The following ATP2A1 variants were observed in gnomAD, a reference collection of about 807,000 sequenced individuals.
ATP2A1 encodes the protein sarcoplasmic/endoplasmic reticulum calcium ATPase 1.
Under a neutral mutation model 109.5 loss-of-function variants are expected in ATP2A1, and 83 were observed. The ratio of observed to expected loss-of-function variants is 0.76; its 90% confidence interval spans 0.63 to 0.91. The LOEUF (loss-of-function observed/expected upper bound fraction) is 0.91, where lower values mean the gene tolerates loss of function less well. Ranked by LOEUF, ATP2A1 falls within the 40% of genes least tolerant of loss-of-function variation. The pLI, the probability that ATP2A1 is intolerant of heterozygous loss-of-function variation, is 0.00. For missense variants in ATP2A1, 1,101 were observed against 1,341.0 expected, an observed-to-expected ratio of 0.82 and a Z score of 2.80; for synonymous variants, 505 against 537.6, an observed-to-expected ratio of 0.94 and a Z score of 0.84.
Position 28,903,851 on chromosome 16 carries a change from G to C in ATP2A1, c.*37+110G>C, listed in dbSNP as rs546675384. The C allele has an allele frequency of 1.0e-5, 11 of 1,092,390 alleles. No homozygotes were observed. The South Asian group carries it at 1.4e-4, about 14-fold the overall frequency. The allele number at this position is 1,092,390 out of a possible 1,614,324, so 67.7% of individuals were successfully genotyped here. ...TCACTTGTGCTCGCAGCTCCACCTG[G>C]AGCCGTTGCCACTGCTGCTGCTGCG... On this transcript the variant is annotated intron_variant, in intron 22 of 22. Transcript: ENST00000395503. This position sits in a 1 kb window ranked among gnomAD's most constrained non-coding sequence, Gnocchi z 5.6.
intron 3 of ATP2A1, 59 bp downstream of exon 3, chr16:28,879,642 T>C (rs565808029): frequency 6.4e-7 from 1 of 1,550,954 alleles, no homozygotes; most frequent in East Asian, 2.3e-5. Context: ...ATCGGGCGAA[T>C]GCGGGGCTCG....
intron 8 of ATP2A1, among the ~76,000 whole-genome samples, chr16:28,888,012 A>G (rs867267313): frequency 2.6e-5 from 4 of 151,882 alleles, no homozygotes; most frequent in Non-Finnish European, 5.9e-5. Context: ...CGTGTTAGCC[A>G]GGATGGTCTC....
intron 3 of ATP2A1, 118 bp downstream of exon 3, chr16:28,879,701 C>T (rs998602244): frequency 1.2e-5 from 15 of 1,227,780 alleles, no homozygotes; most frequent in Non-Finnish European, 1.6e-5. Context: ...ATTGTACAGA[C>T]GGGGCGGGCT....
intron 9 of ATP2A1, among the ~76,000 whole-genome samples, chr16:28,890,423 A>C (rs1596673414): frequency 6.6e-6 from 1 of 152,148 alleles, no homozygotes; most frequent in African/African-American, 2.4e-5. Context: ...TCAAAGCTAC[A>C]GTGAGCTGTG....
intron 15 of ATP2A1, 152 bp from the exon 16 acceptor site, chr16:28,901,711 C>T (rs1964079119): frequency 2.8e-6 from 2 of 722,438 alleles, no homozygotes; most frequent in East Asian, 2.7e-5. Context: ...AATCCCAACA[C>T]TTTGGGAGGC....
In ATP2A1 at chr16:28,903,982, G is replaced by C. The variant is rs1235285725; in HGVS notation, c.*38-198G>C. Among the ~76,000 whole-genome samples, 1 of 151,930 alleles carries C rather than the reference G, an allele frequency of 6.6e-6. No homozygotes were observed. Among genetic ancestry groups the C allele is most frequent in the Admixed American group, 6.6e-5 (1 of 15,236 alleles). On this transcript the variant is annotated intron_variant, in intron 22 of 22. Transcript: ENST00000395503. This position sits in a 1 kb window ranked among gnomAD's most constrained non-coding sequence, Gnocchi z 5.6. ...CCGTCTGCTGCGCTGCGTTGCGCTG[G>C]CTGTGTGCTGGGCTGTCTTTGCTGT...
intron 9 of ATP2A1, among the ~76,000 whole-genome samples, chr16:28,891,389 G>A (rs1315675033): frequency 6.6e-6 from 1 of 150,582 alleles, no homozygotes; most frequent in African/African-American, 2.4e-5. Flanking sequence ...GAGGTCAGGA[G>A]TTCGAGACCA....
In ATP2A1 at chr16:28,898,313, G is replaced by A. The variant is rs1026036217; in HGVS notation, c.1626G>A (p.Lys542=). ...GGGTGCCACTGACGGGGCCGGTGAA[G>A]GAAAAGATCATGGCGGTGATCAAGG... ...TTRVPLTGPV[K]EKIMAVIKEW... The change falls in exon 14 of 23, where the codon AAG becomes AAA. Residue 542 remains lysine, a synonymous_variant. Coordinates refer to ENST00000395503, the MANE Select transcript of ATP2A1 (RefSeq NM_004320.6). This position sits in a 1 kb window ranked among gnomAD's most constrained non-coding sequence, Gnocchi z 4.0. 1.2e-6 allele frequency: 2 copies of A among 1,614,222 alleles called. No homozygotes were observed. Among genetic ancestry groups the A allele is most frequent in the East Asian group, 2.2e-5 (1 of 44,890 alleles).
rs1274517798 is a variant in ATP2A1 at position 28,902,986 on chromosome 16, C to T, written c.2745-44C>T. On this transcript the variant is annotated intron_variant, in intron 19 of 22. Coordinates refer to ENST00000395503, the MANE Select transcript of ATP2A1 (RefSeq NM_004320.6). The surrounding 1 kb of genome is among the most constrained non-coding windows in gnomAD (Gnocchi z 4.8). ...ACATCCTCCACTGTGCCGCCCACCT[C>T]CTTCCTCCTCACTGTGCCTTCTCCC... 1.2e-5 allele frequency: 20 copies of T among 1,613,536 alleles called. No homozygotes were observed. The highest frequency in any genetic ancestry group is 1.7e-5 in the Non-Finnish European group (20 of 1,179,842).
Position 28,904,408 on chromosome 16 carries a change from C to T in ATP2A1, c.*266C>T, listed in dbSNP as rs941872965. The T allele has an allele frequency of 2.4e-5, 37 of 1,534,718 alleles. No homozygotes were observed. The highest frequency in any genetic ancestry group is 3.6e-5 in the South Asian group (3 of 83,398). On this transcript the variant is annotated 3_prime_UTR_variant, in exon 23 of 23. Transcript: ENST00000395503. Reference sequence around the variant, plus strand: ...CCCAACCCCGAGGGGCTTGCAGGGACAAGGCGACCGACTGCGCTGAGCTGC... The same window carrying T: ...CCCAACCCCGAGGGGCTTGCAGGGATAAGGCGACCGACTGCGCTGAGCTGC...
Position 28,903,020 on chromosome 16 carries a change from C to G in ATP2A1, c.2745-10C>G. The stretch of plus-strand genomic sequence containing the variant: ...TCACTGTGCCTTCTCCCTCCCCTTC[C>G]CCTCTGCAGCCTGTCCGAGAACCAG... On this transcript the variant is annotated splice_polypyrimidine_tract_variant and intron_variant, in intron 19 of 22. Transcript: ENST00000395503. This position sits in a 1 kb window ranked among gnomAD's most constrained non-coding sequence, Gnocchi z 5.6. The G allele has an allele frequency of 6.2e-7, 1 of 1,613,820 alleles. No homozygotes were observed. Among genetic ancestry groups the G allele is most frequent in the East Asian group, 2.2e-5 (1 of 44,876 alleles).
At chr16:28,896,417 G>A (rs1257613034) in intron 12 of ATP2A1, among the ~76,000 whole-genome samples, 1 of 150,578 alleles carries the variant, frequency 6.6e-6, no homozygotes, top group African/African-American at 2.4e-5. Context: ...TAGTAGAGAC[G>A]AGTTTTTTTT....
chr16:28,888,931 C>G lies in ATP2A1; in HGVS notation c.1073C>G (p.Thr358Ser), dbSNP rs1173029822. 6.2e-7 allele frequency: 1 copy of G among 1,614,066 alleles called. No individual in the cohort carries two copies. The highest frequency in any genetic ancestry group is 8.5e-7 in the Non-Finnish European group (1 of 1,180,030). Residue 358 changes from threonine (T) to serine (S), a missense_variant, in exon 9 of 23, where the codon ACC becomes AGC. Thr to Ser is a moderately conservative substitution (Grantham distance 58, BLOSUM62 1). Transcript: ENST00000395503. ...ICSDKTGTLTTNQMSVCKMFI... is the reference protein window; with the variant it reads ...ICSDKTGTLTSNQMSVCKMFI... ...TCCGACAAGACAGGCACCCTCACCA[C>G]CAACCAGATGTCTGTCTGCAAGGTC... is the stretch of plus-strand genomic sequence containing the variant.
chr16:28,900,920 A>C lies in ATP2A1; in HGVS notation c.2100+4A>C, dbSNP rs1964057371. 6.2e-7 allele frequency: 1 copy of C among 1,613,962 alleles called. No individual in the cohort carries two copies. The highest frequency in any genetic ancestry group is 1.7e-5 in the Admixed American group (1 of 59,992). The stretch of plus-strand genomic sequence containing the variant: ...CTACGATGAGATCACAGCCATGGTG[A>C]GAGGGCCCAGGCAGCTGCAGCCTTA... On this transcript the variant is annotated splice_donor_region_variant and intron_variant, in intron 15 of 22. Transcript: ENST00000395503.
Position 28,902,607 on chromosome 16 carries a change from C to A in ATP2A1, c.2552C>A (p.Ala851Glu). The A allele has an allele frequency of 6.2e-7, 1 of 1,614,112 alleles. No individual in the cohort carries two copies. Among genetic ancestry groups the A allele is most frequent in the South Asian group, 1.1e-5 (1 of 91,078 alleles). Reference protein sequence around the residue: ...GGYVGAATVGAAAWWFLYAED... With the variant: ...GGYVGAATVGEAAWWFLYAED... ...TATGTGGGTGCAGCCACCGTGGGAGCAGCTGCCTGGTGGTTCCTGTACGCT... is the reference window on the plus strand; with the variant it reads ...TATGTGGGTGCAGCCACCGTGGGAGAAGCTGCCTGGTGGTTCCTGTACGCT... The change falls in exon 18 of 23, where the codon GCA becomes GAA. Residue 851 changes from alanine to glutamate, a missense_variant. Transcript: ENST00000395503. The surrounding 1 kb of genome is among the most constrained non-coding windows in gnomAD (Gnocchi z 4.8).
chr16:28,885,788 T>C (rs541179025), intron 6 of ATP2A1, among the ~76,000 whole-genome samples: 150 of 152,226 alleles, frequency 9.9e-4, no homozygotes, highest in Non-Finnish European at 1.7e-3. Context: ...AGAACTGTCC[T>C]GTCTCCTTCA....
At chr16:28,881,725 T>TC (rs1001044530) in intron 4 of ATP2A1, 39 of 151,330 alleles carry the variant, frequency 2.6e-4, no homozygotes, top group African/African-American at 8.7e-4. Flanking sequence ...ATCACTTGAA[T>TC]GGGGAGGCGG....
chr16:28,900,939 A>C lies in ATP2A1; in HGVS notation c.2100+23A>C, dbSNP rs1964058183. ...ATGGTGAGAGGGCCCAGGCAGCTGCAGCCTTAGTGTCCACGGAGATGACCA... is the reference window on the plus strand; with the variant it reads ...ATGGTGAGAGGGCCCAGGCAGCTGCCGCCTTAGTGTCCACGGAGATGACCA... On this transcript the variant is annotated intron_variant, in intron 15 of 22. Transcript: ENST00000395503. 2.5e-6 allele frequency: 4 copies of C among 1,613,378 alleles called. No individual in the cohort carries two copies. The East Asian group carries it at 8.9e-5, about 36-fold the overall frequency.
chr16:28,904,194 AGAAG>A lies in ATP2A1; in HGVS notation c.*57_*60del. 1.2e-6 allele frequency: 2 copies of A among 1,613,010 alleles called. No individual in the cohort carries two copies. Among genetic ancestry groups the A allele is most frequent in the Non-Finnish European group, 1.7e-6 (2 of 1,179,102 alleles). ...TCCCCTTCCAGATCCAGAAGATGAA[AGAAG>A]GAAGTGAGCATCCTTTTGCTCTGTC... On this transcript the variant is annotated 3_prime_UTR_variant, in exon 23 of 23. Coordinates refer to ENST00000395503, the MANE Select transcript of ATP2A1 (RefSeq NM_004320.6).
Sources: gnomAD v4.1 joint callset for allele counts (sites outside exome capture counted in the v4.1 genomes callset) on GRCh38, gnomAD v4.1.1 for gene constraint, Gnocchi (gnomAD v3.1) non-coding constraint, MANE v1.5 for transcripts, NCBI Gene and HGNC (gene_info 2026-07-23, HGNC 2026-07-21) for gene names.